SYNDIG1: variants seen among roughly 807,000 people sequenced by gnomAD.
SYNDIG1 encodes the protein synapse differentiation inducing 1, also known as synapse differentiation-inducing gene protein 1.
Under a neutral mutation model 19.4 loss-of-function variants are expected in SYNDIG1, and 9 were observed. The observed-to-expected ratio is 0.46, with a 90% CI of 0.28 to 0.81. The LOEUF is 0.81. Among genes scored for constraint, SYNDIG1 ranks in the 30% least tolerant of loss-of-function variants. The pLI is 0.12. For synonymous variants in SYNDIG1, 141 were observed against 145.9 expected (o/e 0.97, Z 0.24); for missense variants, 311 against 343.3 (o/e 0.91, Z 0.74).
At chr20:24,495,056 G>T (rs2056261876) in intron 1 of SYNDIG1, among the ~76,000 whole-genome samples, 1 of 152,198 alleles carries the variant, frequency 6.6e-6, no homozygotes, top group Non-Finnish European at 1.5e-5. Flanking sequence ...CGGTAGTCAT[G>T]GTCATTGACA....
chr20:24,584,708 A>G, intron 2 of SYNDIG1, 148 bp from the exon 3 acceptor site: 1 of 1,072,496 alleles, frequency 9.3e-7, no homozygotes, highest in Non-Finnish European at 1.4e-6. Flanking sequence ...TTGCAGCAAT[A>G]ACGATGACTC....
intron 1 of SYNDIG1, among the ~76,000 whole-genome samples, chr20:24,484,337 G>A (rs184958331): frequency 1.9e-3 from 290 of 152,296 alleles, no homozygotes; most frequent in Non-Finnish European, 3.4e-3. Flanking sequence ...GGTGCTGCAC[G>A]TGGTCTCCCC....
chr20:24,656,466 G>A (rs1288302020), intron 3 of SYNDIG1, among the ~76,000 whole-genome samples: 3 of 152,236 alleles, frequency 2.0e-5, no homozygotes, highest in African/African-American at 7.2e-5. Flanking sequence ...CAGGCGTGCT[G>A]AGGGGCACTG....
At chr20:24,533,954 T>C (rs2057312319) in intron 1 of SYNDIG1, among the ~76,000 whole-genome samples, 2 of 152,134 alleles carry the variant, frequency 1.3e-5, no homozygotes, top group South Asian at 2.1e-4. Flanking sequence ...CTGCAGGCTG[T>C]ACAGGCACGG....
chr20:24,526,135 T>A (rs2057118684), intron 1 of SYNDIG1, among the ~76,000 whole-genome samples: 1 of 152,198 alleles, frequency 6.6e-6, no homozygotes, highest in Non-Finnish European at 1.5e-5. Context: ...CTCTTATAAA[T>A]AACATATGTC....
chr20:24,560,415 T>A (rs2057917669), intron 2 of SYNDIG1, among the ~76,000 whole-genome samples: 2 of 152,256 alleles, frequency 1.3e-5, no homozygotes, highest in South Asian at 4.2e-4. Flanking sequence ...GGATAATTGA[T>A]CTTTCAAATG....
intron 2 of SYNDIG1, among the ~76,000 whole-genome samples, chr20:24,580,143 A>G (rs538082355): frequency 6.6e-6 from 1 of 152,318 alleles, no homozygotes; most frequent in South Asian, 2.1e-4. Flanking sequence ...AGATGTACAG[A>G]TTAAATGACT....
At chr20:24,513,375 G>GA (rs2056791259) in intron 1 of SYNDIG1, among the ~76,000 whole-genome samples, 1 of 152,128 alleles carries the variant, frequency 6.6e-6, no homozygotes, top group Non-Finnish European at 1.5e-5. Flanking sequence ...TAAAAACCTT[G>GA]AAAAAAGCTT....
At chr20:24,521,771 A>G (rs2057009263) in intron 1 of SYNDIG1, among the ~76,000 whole-genome samples, 2 of 151,720 alleles carry the variant, frequency 1.3e-5, no homozygotes, top group Admixed American at 1.3e-4. Flanking sequence ...GTGGTGGTGC[A>G]TGGTTGTAAT....
intron 2 of SYNDIG1, among the ~76,000 whole-genome samples, chr20:24,561,154 G>A (rs1390772808): frequency 6.6e-6 from 1 of 152,060 alleles, no homozygotes; most frequent in African/African-American, 2.4e-5. Context: ...GTAGCTCCGT[G>A]TGTGCTTTGG....
chr20:24,643,891 C>T (rs1159606123), intron 3 of SYNDIG1, among the ~76,000 whole-genome samples: 1 of 152,182 alleles, frequency 6.6e-6, no homozygotes, highest in African/African-American at 2.4e-5. Context: ...GCTGAGTTCT[C>T]CTTCTTGCCC....
chr20:24,570,389 T>A (rs1239123359), intron 2 of SYNDIG1, among the ~76,000 whole-genome samples: 1 of 152,226 alleles, frequency 6.6e-6, no homozygotes, highest in African/African-American at 2.4e-5. Context: ...AGAAAAATAT[T>A]TGTAAATTGC....
In SYNDIG1 at chr20:24,631,422, C is replaced by T. The variant is rs112286851; in HGVS notation, c.619-33924C>T. Among the ~76,000 whole-genome samples, 534 of 152,312 alleles carry T rather than the reference C, an allele frequency of 3.5e-3. 1 individual carries two copies. The highest frequency in any genetic ancestry group is 0.012 in the African/African-American group (503 of 41,568). Reference sequence around the variant, plus strand: ...GCCACCACATCCCCACCTGCGGGCGCGACGGCCTCATCATCTCCTCCAGAA... The same window carrying T: ...GCCACCACATCCCCACCTGCGGGCGTGACGGCCTCATCATCTCCTCCAGAA... On this transcript the variant is annotated intron_variant, in intron 3 of 3. Coordinates refer to ENST00000376862, the MANE Select transcript of SYNDIG1 (RefSeq NM_024893.3).
chr20:24,627,737 C>CT (rs1443245760), intron 3 of SYNDIG1, among the ~76,000 whole-genome samples: 1 of 152,218 alleles, frequency 6.6e-6, no homozygotes, highest in Non-Finnish European at 1.5e-5. Context: ...AAAGGGAATG[C>CT]TTTTCTGAGT....
At chr20:24,476,399 G>A (rs1330615978) in intron 1 of SYNDIG1, among the ~76,000 whole-genome samples, 1 of 152,108 alleles carries the variant, frequency 6.6e-6, no homozygotes, top group African/African-American at 2.4e-5. Context: ...CGGGCGCGGT[G>A]GCTTACGCCT....
At chr20:24,626,414 G>A (rs566261928) in intron 3 of SYNDIG1, among the ~76,000 whole-genome samples, 7 of 151,968 alleles carry the variant, frequency 4.6e-5, no homozygotes, top group Admixed American at 1.3e-4. Flanking sequence ...TGGCCGGGCC[G>A]AGGCGCTCCT....
At chr20:24,484,205 A>G (rs1443853240) in intron 1 of SYNDIG1, among the ~76,000 whole-genome samples, 4 of 152,064 alleles carry the variant, frequency 2.6e-5, no homozygotes, top group African/African-American at 9.6e-5. Context: ...GGAATTTTGG[A>G]GGGGTCGGCT....
chr20:24,536,583 T>C (rs943375260), intron 1 of SYNDIG1, among the ~76,000 whole-genome samples: 1 of 152,020 alleles, frequency 6.6e-6, no homozygotes, highest in Non-Finnish European at 1.5e-5. Flanking sequence ...CTAAATATCC[T>C]CCGGGTTACG....
chr20:24,589,748 T>C (rs1212699639), intron 3 of SYNDIG1, among the ~76,000 whole-genome samples: 1 of 152,160 alleles, frequency 6.6e-6, no homozygotes, highest in Non-Finnish European at 1.5e-5. Context: ...ATTATAACAA[T>C]AATTAAATGA....
Sources: allele counts gnomAD v4.1 joint callset (sites outside exome capture counted in the v4.1 genomes callset), GRCh38; gene constraint gnomAD v4.1.1; transcripts MANE v1.5; gene names NCBI Gene and HGNC (gene_info 2026-07-23, HGNC 2026-07-21).